Variants in CASZ1 observed in about 807,000 individuals in gnomAD.
CASZ1 encodes the protein castor zinc finger 1.
A neutral mutation model predicts 135.2 loss-of-function variants in CASZ1; 28 were observed. The ratio of observed to expected loss-of-function variants is 0.21; its 90% CI spans 0.15 to 0.28. CASZ1 has a LOEUF of 0.28. Ranked by LOEUF, CASZ1 falls within the 10% of genes least tolerant of loss-of-function variation. The probability of loss-of-function intolerance (pLI) is 1.00; values close to 1 mark genes in which losing one functional copy is unlikely to be tolerated. For synonymous variants in CASZ1, 1,068 were observed against 1,073.4 expected, an observed-to-expected ratio of 0.99 and a Z score of 0.10; for missense variants, 2,161 against 2,453.3, an observed-to-expected ratio of 0.88 and a Z score of 2.52.
At chr1:10,786,503 T>A (rs1640861907) in intron 1 of CASZ1, among the ~76,000 whole-genome samples, 1 of 152,172 alleles carries the variant, frequency 6.6e-6, no homozygotes, top group Admixed American at 6.5e-5. Context: ...TCCATGGCAA[T>A]CCCTGATAAG....
intron 1 of CASZ1, among the ~76,000 whole-genome samples, chr1:10,778,557 ATC>A (rs1359769781): frequency 2.6e-5 from 4 of 152,024 alleles, no homozygotes; most frequent in Admixed American, 2.6e-4. Flanking sequence ...CACGAACACA[ATC>A]TCACACACAC....
chr1:10,700,080 GACAC>G lies in CASZ1; in HGVS notation c.-24+5408_-24+5411del, dbSNP rs572824153. Among the ~76,000 whole-genome samples, 885 of 134,062 alleles carry G rather than the reference GACAC, an allele frequency of 6.6e-3. 9 individuals carry two copies. The highest frequency in any genetic ancestry group is 0.017 in the African/African-American group (593 of 35,292). The allele number at this position is 134,062 out of a possible 152,430, so 87.9% of individuals were successfully genotyped here. A position where few individuals can be genotyped will look rare whatever the true frequency, so the allele number is the denominator to read the frequency against. On this transcript the variant is annotated intron_variant, in intron 3 of 20. Coordinates refer to ENST00000377022, the MANE Select transcript of CASZ1 (RefSeq NM_001079843.3). The surrounding 1 kb of genome is among the most constrained non-coding windows in gnomAD (Gnocchi z 4.2). ...AGACAGAGAGAGAAAGAGAGATAGA[GACAC>G]ACACACACACACACACACACACACA...
Position 10,654,413 on chromosome 1 carries a change from G to A in CASZ1, c.1838+6C>T, listed in dbSNP as rs371103992. ...CCACGAAGGCCCCCACCAGGCTCCC[G>A]CTTACCTGCAGTGGAAGTGCGTGGT... On this transcript the variant is annotated splice_donor_region_variant and intron_variant, in intron 10 of 20. Transcript: ENST00000377022. 264 of 1,612,448 alleles carry A rather than the reference G, an allele frequency of 1.6e-4. 2 individuals carry two copies. The South Asian group carries it at 1.9e-3, about 12-fold the overall frequency.
chr1:10,680,264 ACGGGG>A (rs2100355496), intron 4 of CASZ1, among the ~76,000 whole-genome samples: 2 of 55,198 alleles, frequency 3.6e-5, no homozygotes, highest in East Asian at 8.3e-4. Context: ...GCTGGATGGC[ACGGGG>A]CGGGGCGGCG....
At chr1:10,787,819 C>T (rs1354541488) in intron 1 of CASZ1, among the ~76,000 whole-genome samples, 5 of 152,210 alleles carry the variant, frequency 3.3e-5, no homozygotes, top group African/African-American at 4.8e-5. Flanking sequence ...CCGCCATTAA[C>T]CCATCCCACT....
At chr1:10,722,825 G>A (rs574137381) in intron 2 of CASZ1, among the ~76,000 whole-genome samples, 5 of 152,326 alleles carry the variant, frequency 3.3e-5, no homozygotes, top group South Asian at 2.1e-4. Flanking sequence ...AAGAGCTGGC[G>A]CCAGGGCTGC....
At position 10,693,926 on chromosome 1, in the gene CASZ1, C is replaced by T; in HGVS notation, c.-23-14G>A. 2 of 1,612,204 alleles carry T rather than the reference C, an allele frequency of 1.2e-6. No individual in the cohort carries two copies. The highest frequency in any genetic ancestry group is 1.7e-6 in the Non-Finnish European group (2 of 1,178,964). ...TGGTCCCAAACTCTTCGCAGAACGC[C>T]ACCAGGGGAAGACCGGGAGAGAAGA... is the stretch of plus-strand genomic sequence containing the variant. On this transcript the variant is annotated splice_polypyrimidine_tract_variant and intron_variant, in intron 3 of 20. Transcript: ENST00000377022.
Position 10,702,566 on chromosome 1 carries a change from G to A in CASZ1, c.-24+2926C>T, listed in dbSNP as rs551450715. On this transcript the variant is annotated intron_variant, in intron 3 of 20. Coordinates refer to ENST00000377022, the MANE Select transcript of CASZ1 (RefSeq NM_001079843.3). ...AGAAGGCCAAGCCAAGAGGAATCAC[G>A]AAGACCAGAGGCCTGGCAATGACCC... 1.8e-4 allele frequency among the ~76,000 whole-genome samples: 27 copies of A among 152,294 alleles called. No homozygotes were observed. The South Asian group carries it at 3.7e-3, about 21-fold the overall frequency.
At chr1:10,690,669 T>C (rs1291114355) in intron 4 of CASZ1, among the ~76,000 whole-genome samples, 1 of 151,498 alleles carries the variant, frequency 6.6e-6, no homozygotes, top group African/African-American at 2.4e-5. Flanking sequence ...GCACTGTCCC[T>C]CACCGGCACC....
chr1:10,785,914 C>T (rs923321248), intron 1 of CASZ1, among the ~76,000 whole-genome samples: 1 of 152,230 alleles, frequency 6.6e-6, no homozygotes, highest in Non-Finnish European at 1.5e-5. Flanking sequence ...TCATGGTCCA[C>T]GTGACGGGAA....
At position 10,657,437 on chromosome 1, in the gene CASZ1, C is replaced by G. The variant is rs1167435889; in HGVS notation, c.1410-701G>C. Among the ~76,000 whole-genome samples, 1 of 152,212 alleles carries G rather than the reference C, an allele frequency of 6.6e-6. No individual in the cohort carries two copies. Among genetic ancestry groups the G allele is most frequent in the East Asian group, 1.9e-4 (1 of 5,188 alleles). ...GGTGTGACTCAGCCCGCCTGTACCC[C>G]TCCAAGACTGAAGTGAGATTGCAGG... On this transcript the variant is annotated intron_variant, in intron 7 of 20. Transcript: ENST00000377022. This position sits in a 1 kb window ranked among gnomAD's most constrained non-coding sequence, Gnocchi z 5.7.
At position 10,642,765 on chromosome 1, in the gene CASZ1, C is replaced by T. The variant is rs1056464102; in HGVS notation, c.4162+94G>A. ...GCCAGCCTGTCCTCCTCGGAGGCCG[C>T]GTGCCCCGGACCTTCTGTCCCAAGC... On this transcript the variant is annotated intron_variant, in intron 20 of 20. Coordinates refer to ENST00000377022, the MANE Select transcript of CASZ1 (RefSeq NM_001079843.3). 40 of 1,421,618 alleles carry T rather than the reference C, an allele frequency of 2.8e-5. 1 individual carries two copies. The African/African-American group carries it at 3.4e-4, about 12-fold the overall frequency. The allele number at this position is 1,421,618 out of a possible 1,614,324, so 88.1% of individuals were successfully genotyped here. A position where few individuals can be genotyped will look rare whatever the true frequency, so the allele number is the denominator to read the frequency against.
chr1:10,737,437 C>T (rs1639821887), intron 2 of CASZ1, among the ~76,000 whole-genome samples: 1 of 152,236 alleles, frequency 6.6e-6, no homozygotes, highest in Non-Finnish European at 1.5e-5. Flanking sequence ...AGGACCAGAC[C>T]TCACGTCCTG....
At chr1:10,722,622 C>G (rs1223526087) in intron 2 of CASZ1, among the ~76,000 whole-genome samples, 2 of 152,252 alleles carry the variant, frequency 1.3e-5, no homozygotes, top group Non-Finnish European at 2.9e-5. Context: ...GGCCCACTCA[C>G]AGGGGGGCAG....
intron 9 of CASZ1, 89 bp from the exon 10 acceptor site, chr1:10,654,680 A>T: frequency 7.8e-7 from 1 of 1,290,180 alleles, no homozygotes; most frequent in Non-Finnish European, 1.1e-6. Context: ...GGGGCCACTG[A>T]CTTCCCTGCT....
At chr1:10,780,086 T>G (rs965224968) in intron 1 of CASZ1, among the ~76,000 whole-genome samples, 1 of 152,132 alleles carries the variant, frequency 6.6e-6, no homozygotes, top group African/African-American at 2.4e-5. Flanking sequence ...CACGGTGACC[T>G]TCACTCCCCA....
intron 17 of CASZ1, 38 bp from the exon 18 acceptor site, chr1:10,645,126 A>G (rs1417926844): frequency 6.3e-7 from 1 of 1,593,380 alleles, no homozygotes; most frequent in Non-Finnish European, 8.6e-7. Context: ...CAGGCGGGTG[A>G]CTTTCAAGAG....
chr1:10,765,187 G>A (rs1168428311), intron 1 of CASZ1, among the ~76,000 whole-genome samples: 6 of 152,128 alleles, frequency 3.9e-5, no homozygotes, highest in Admixed American at 1.3e-4. Context: ...ATGTGGGTAC[G>A]GGGAGGCGCC....
intron 4 of CASZ1, among the ~76,000 whole-genome samples, chr1:10,681,782 G>A (rs1054420439): frequency 4.6e-5 from 7 of 152,168 alleles, no homozygotes; most frequent in South Asian, 2.1e-4. Flanking sequence ...TGACCCCCTC[G>A]GGGCTCCAGG....
Sources: allele counts gnomAD v4.1 joint callset (sites outside exome capture counted in the v4.1 genomes callset), GRCh38; gene constraint gnomAD v4.1.1; non-coding constraint Gnocchi (gnomAD v3.1); transcripts MANE v1.5; gene names NCBI Gene and HGNC (gene_info 2026-07-23, HGNC 2026-07-21).